The following C17orf107 variants were observed in gnomAD, a reference collection of about 807,000 sequenced individuals.
C17orf107 encodes uncharacterized protein C17orf107.
In C17orf107, 9 loss-of-function variants were observed where a neutral mutation model predicts 8.9. The observed-to-expected ratio is 1.02, with a 90% CI of 0.61 to 1.77. C17orf107 has a LOEUF of 1.77. Among genes scored for constraint, C17orf107 ranks in the 40% most tolerant of loss-of-function variants. The probability of loss-of-function intolerance (pLI) is 0.00; values close to 1 mark genes in which losing one functional copy is unlikely to be tolerated. For synonymous variants in C17orf107, 139 were observed against 120.3 expected, an observed-to-expected ratio of 1.16 and a Z score of -1.02; for missense variants, 281 against 249.0, an observed-to-expected ratio of 1.13 and a Z score of -0.86.
chr17:4,902,100 G>A lies in C17orf107; in HGVS notation c.*1567G>A, dbSNP rs750257362. Reference sequence around the variant, plus strand: ...CTGGCCATCAATACTGTGGGCTCGGGGAAACCGAGCTTTTTGCACAGGTCT... The same window carrying A: ...CTGGCCATCAATACTGTGGGCTCGGAGAAACCGAGCTTTTTGCACAGGTCT... On this transcript the variant is annotated 3_prime_UTR_variant, in exon 3 of 3. Transcript: ENST00000381365. This position sits in a 1 kb window ranked among gnomAD's most constrained non-coding sequence, Gnocchi z 4.0. The A allele has an allele frequency of 3.1e-6, 5 of 1,613,828 alleles. No individual in the cohort carries two copies. Among genetic ancestry groups the A allele is most frequent in the East Asian group, 2.2e-5 (1 of 44,834 alleles).
chr17:4,902,043 ACGAG>A lies in C17orf107; in HGVS notation c.*1512_*1515del, dbSNP rs1411229157. On this transcript the variant is annotated 3_prime_UTR_variant, in exon 3 of 3. Transcript: ENST00000381365. The surrounding 1 kb of genome is among the most constrained non-coding windows in gnomAD (Gnocchi z 4.0). ...CCACGTCACGGAGCCGCCCTCGTAG[ACGAG>A]CACGTTGGCGTCGTAGGCCACTCCG... 1 of 1,614,070 alleles carries A rather than the reference ACGAG, an allele frequency of 6.2e-7. No individual in the cohort carries two copies. The highest frequency in any genetic ancestry group is 8.5e-7 in the Non-Finnish European group (1 of 1,180,030).
Position 4,901,869 on chromosome 17 carries a change from GCCCC to G in C17orf107, c.*1337_*1340del. 39 of 1,541,550 alleles carry G rather than the reference GCCCC, an allele frequency of 2.5e-5. No individual in the cohort carries two copies. The highest frequency in any genetic ancestry group is 2.3e-4 in the Middle Eastern group (1 of 4,430). ...CCCCGAGGGCGGTGCTTCCCGGTTG[GCCCC>G]GCCCCATAAGGCCCCCCCCCAACAA... On this transcript the variant is annotated 3_prime_UTR_variant, in exon 3 of 3. Coordinates refer to ENST00000381365, the MANE Select transcript of C17orf107 (RefSeq NM_001145536.2).
At chr17:4,904,680 A>G (rs1178234433), downstream of C17orf107, among the ~76,000 whole-genome samples, 1 of 152,216 alleles carries the variant, frequency 6.6e-6, no homozygotes, top group Non-Finnish European at 1.5e-5. Context: ...GAGACTTATC[A>G]ATCAACTCTA....
At position 4,902,180 on chromosome 17, in the gene C17orf107, G is replaced by T. The variant is rs753937939; in HGVS notation, c.*1647G>T. On this transcript the variant is annotated 3_prime_UTR_variant, in exon 3 of 3. Coordinates refer to ENST00000381365, the MANE Select transcript of C17orf107 (RefSeq NM_001145536.2). This position sits in a 1 kb window ranked among gnomAD's most constrained non-coding sequence, Gnocchi z 4.0. Reference sequence around the variant, plus strand: ...CCAAGTCCAGCCCGCACCCCAGGCCGGCTTCCCTCCAGCCTGGCGTCTGGC... The same window carrying T: ...CCAAGTCCAGCCCGCACCCCAGGCCTGCTTCCCTCCAGCCTGGCGTCTGGC... The T allele has an allele frequency of 7.4e-6, 12 of 1,613,878 alleles. No homozygotes were observed. The highest frequency in any genetic ancestry group is 6.7e-5 in the Admixed American group (4 of 60,016).
At chr17:4,903,058 T>C (rs202198207), downstream of C17orf107, 177 of 1,613,928 alleles carry the variant, frequency 1.1e-4, 2 homozygotes, top group East Asian at 3.3e-3. Context: ...GCGGAGCCCT[T>C]GCCATCCTGC....
chr17:4,901,585 CAA>C lies in C17orf107; in HGVS notation c.*1055_*1056del. The C allele has an allele frequency of 6.2e-7, 1 of 1,614,178 alleles. No individual in the cohort carries two copies. Among genetic ancestry groups the C allele is most frequent in the Non-Finnish European group, 8.5e-7 (1 of 1,180,012 alleles). On this transcript the variant is annotated 3_prime_UTR_variant, in exon 3 of 3. Transcript: ENST00000381365. ...ATGGTCTTGCCGTCGTTGTCTACGG[CAA>C]AAGTGAACTCCACCTCTTCGGCATT...
chr17:4,900,561 C>A lies in C17orf107; in HGVS notation c.*28C>A, dbSNP rs1385269215. 1 of 1,550,104 alleles carries A rather than the reference C, an allele frequency of 6.5e-7. No homozygotes were observed. Among genetic ancestry groups the A allele is most frequent in the Non-Finnish European group, 8.7e-7 (1 of 1,146,816 alleles). ...GCCAGAGGCGGCGGGGCTAGGGAGG[C>A]ACTGAGCCGGACTGTCCCCCAAGAG... On this transcript the variant is annotated 3_prime_UTR_variant, in exon 3 of 3. Coordinates refer to ENST00000381365, the MANE Select transcript of C17orf107 (RefSeq NM_001145536.2).
rs756123176 is a variant in C17orf107, at chr17:4,902,821, T to C, written c.*2288T>C. ...CAATGAAGAGGCTGGAGCACCTCTC[T>C]CCCCTCTGCCTCCCCTGGGTCCTCA... is the stretch of plus-strand genomic sequence containing the variant. On this transcript the variant is annotated 3_prime_UTR_variant, in exon 3 of 3. Coordinates refer to ENST00000381365, the MANE Select transcript of C17orf107 (RefSeq NM_001145536.2). This position sits in a 1 kb window ranked among gnomAD's most constrained non-coding sequence, Gnocchi z 4.0. 1.2e-6 allele frequency: 2 copies of C among 1,612,166 alleles called. No individual in the cohort carries two copies. Among genetic ancestry groups the C allele is most frequent in the South Asian group, 1.1e-5 (1 of 91,052 alleles).
downstream of C17orf107, among the ~76,000 whole-genome samples, chr17:4,905,398 AAAC>A (rs968108180): frequency 1.3e-5 from 2 of 152,050 alleles, no homozygotes; most frequent in South Asian, 4.2e-4. Context: ...AAAAATAAAT[AAAC>A]AACAACAAAA....
Position 4,900,073 on chromosome 17 carries a change from G to A in C17orf107, c.204G>A (p.Pro68=), listed in dbSNP as rs1184370279. Reference sequence around the variant, plus strand: ...AGATGCAGGGGATGCTGCCTGCCCCGAAGCCCACCCTGGGGCTGGTGTTGA... The same window carrying A: ...AGATGCAGGGGATGCTGCCTGCCCCAAAGCCCACCCTGGGGCTGGTGTTGA... ...EPKMQGMLPA[P]KPTLGLVLRE... Residue 68 remains proline, a synonymous_variant, in exon 2 of 3, where the codon CCG becomes CCA. Coordinates refer to ENST00000381365, the MANE Select transcript of C17orf107 (RefSeq NM_001145536.2). The A allele has an allele frequency of 6.4e-6, 10 of 1,550,972 alleles. No homozygotes were observed. Among genetic ancestry groups the A allele is most frequent in the Non-Finnish European group, 7.0e-6 (8 of 1,146,992 alleles).
rs1969989443 is a variant in C17orf107, at chr17:4,901,662, C to T, written c.*1129C>T. The T allele has an allele frequency of 1.3e-6, 2 of 1,581,550 alleles. No homozygotes were observed. The highest frequency in any genetic ancestry group is 1.7e-6 in the Non-Finnish European group (2 of 1,151,920). ...GGGCCGGGAGCCCACCCCAGAAGCT[C>T]TGACCTGGGCCCCGGCCTCAGGCCC... On this transcript the variant is annotated 3_prime_UTR_variant, in exon 3 of 3. Transcript: ENST00000381365.
chr17:4,906,662 G>A (rs376783178), downstream of C17orf107, among the ~76,000 whole-genome samples: 120 of 152,054 alleles, frequency 7.9e-4, no homozygotes, highest in African/African-American at 2.8e-3. Flanking sequence ...AGACCAGCCT[G>A]GGCAATATAG....
chr17:4,901,285 G>T lies in C17orf107; in HGVS notation c.*752G>T. On this transcript the variant is annotated 3_prime_UTR_variant, in exon 3 of 3. Coordinates refer to ENST00000381365, the MANE Select transcript of C17orf107 (RefSeq NM_001145536.2). ...AGGAGGCTGCGGCTGTCTGCACCAG[G>T]GTCATGGGCCGTCAGGATGGGGGCA... 7.1e-7 allele frequency: 1 copy of T among 1,401,836 alleles called. No homozygotes were observed. Among genetic ancestry groups the T allele is most frequent in the Non-Finnish European group, 9.9e-7 (1 of 1,014,454 alleles). 86.8% of individuals were successfully genotyped at this position (1,401,836 alleles called of 1,614,324 possible). A position where few individuals can be genotyped will look rare whatever the true frequency, so the allele number is the denominator to read the frequency against.
Position 4,901,237 on chromosome 17 carries a change from G to T in C17orf107, c.*704G>T, listed in dbSNP as rs1036405246. 1 of 1,583,100 alleles carries T rather than the reference G, an allele frequency of 6.3e-7. No homozygotes were observed. Among genetic ancestry groups the T allele is most frequent in the South Asian group, 1.1e-5 (1 of 89,936 alleles). On this transcript the variant is annotated 3_prime_UTR_variant, in exon 3 of 3. Coordinates refer to ENST00000381365, the MANE Select transcript of C17orf107 (RefSeq NM_001145536.2). The stretch of plus-strand genomic sequence containing the variant: ...AGCTGGCTGTCAGAGCGGGGCGCCC[G>T]CCGAGCTGACAGCGGGCTGAAGAGG...
Position 4,902,390 on chromosome 17 carries a change from G to A in C17orf107, c.*1857G>A. ...TCCCACCTGGCGCTGCCTGGGAGGGGTTTGGGGGAAAAGGGGTGCCCTGGA... is the reference window on the plus strand; with the variant it reads ...TCCCACCTGGCGCTGCCTGGGAGGGATTTGGGGGAAAAGGGGTGCCCTGGA... On this transcript the variant is annotated 3_prime_UTR_variant, in exon 3 of 3. Transcript: ENST00000381365. The surrounding 1 kb of genome is among the most constrained non-coding windows in gnomAD (Gnocchi z 4.0). 1.2e-6 allele frequency: 2 copies of A among 1,613,812 alleles called. No individual in the cohort carries two copies. Among genetic ancestry groups the A allele is most frequent in the Non-Finnish European group, 1.7e-6 (2 of 1,179,670 alleles).
In C17orf107 at chr17:4,900,917, G is replaced by C. The variant is rs1326169288; in HGVS notation, c.*384G>C. On this transcript the variant is annotated 3_prime_UTR_variant, in exon 3 of 3. Transcript: ENST00000381365. ...CATTTCTGGCCGCCGGCTGGAGGGA[G>C]AGCCAGTGAGAGCGGGCCCCGCCTC... 3.7e-6 allele frequency: 6 copies of C among 1,614,142 alleles called. No homozygotes were observed. In the South Asian group the frequency reaches 5.5e-5, roughly 15 times the overall value.
Position 4,902,900 on chromosome 17 carries a change from G to A in C17orf107, c.*2367G>A. ...ATCTGTCTCCTAAACCAATTATGCT[G>A]TGCCTGGGAACGAAATACTGTGTCT... On this transcript the variant is annotated 3_prime_UTR_variant, in exon 3 of 3. Transcript: ENST00000381365. This position sits in a 1 kb window ranked among gnomAD's most constrained non-coding sequence, Gnocchi z 4.0. The A allele has an allele frequency of 6.3e-7, 1 of 1,581,162 alleles. No individual in the cohort carries two copies. Among genetic ancestry groups the A allele is most frequent in the East Asian group, 2.2e-5 (1 of 44,702 alleles).
chr17:4,899,787 GACACCCTGATGTGGATCTACC>G lies in C17orf107; in HGVS notation c.28_48del (p.Thr10_His16del). ...CATGAAGGGGACCCCCAGCTCCCTGGACACCCTGATGTGGATCTACCACTTCCACAGCTCCACCGAGGTGAG... is the reference window on the plus strand; with the variant it reads ...CATGAAGGGGACCCCCAGCTCCCTGGACTTCCACAGCTCCACCGAGGTGAG... On this transcript the variant is annotated inframe_deletion, in exon 1 of 3. Transcript: ENST00000381365. The G allele has an allele frequency of 6.4e-7, 1 of 1,551,256 alleles. No individual in the cohort carries two copies.
chr17:4,900,385 C>G lies in C17orf107; in HGVS notation c.425C>G (p.Ala142Gly), dbSNP rs754690333. The G allele has an allele frequency of 1.3e-6, 2 of 1,549,970 alleles. No homozygotes were observed. Among genetic ancestry groups the G allele is most frequent in the Non-Finnish European group, 1.7e-6 (2 of 1,146,694 alleles). Residue 142 changes from alanine to glycine, a missense_variant, in exon 3 of 3, where the codon GCC becomes GGC. By Grantham distance (60) the Ala-to-Gly change is moderately conservative. Coordinates refer to ENST00000381365, the MANE Select transcript of C17orf107 (RefSeq NM_001145536.2). ...CGGCAAGCTGGGGCTGCGGTGGGCGCCAGCGCCCGGCTCCTAGTCCAGGGA... is the reference window on the plus strand; with the variant it reads ...CGGCAAGCTGGGGCTGCGGTGGGCGGCAGCGCCCGGCTCCTAGTCCAGGGA... The part of the protein sequence containing the change: ...GVRQAGAAVG[A>G]SARLLVQGAW...
Sources: gnomAD v4.1 joint callset for allele counts (sites outside exome capture counted in the v4.1 genomes callset) on GRCh38, gnomAD v4.1.1 for gene constraint, Gnocchi (gnomAD v3.1) non-coding constraint, MANE v1.5 for transcripts, NCBI Gene and HGNC (gene_info 2026-07-23, HGNC 2026-07-21) for gene names.